The following ZNF44 variants were observed in gnomAD, a reference collection of about 807,000 sequenced individuals.
The protein encoded by ZNF44 is gonadotropin inducible transcription repressor-2.
ZNF44 carries 9 observed loss-of-function variants against 11.7 expected under a neutral mutation model. The ratio of observed to expected loss-of-function variants is 0.77; its 90% CI spans 0.46 to 1.35. The LOEUF is 1.35. ZNF44 is among the 40% of genes most tolerant of loss of function. The pLI, the probability that ZNF44 is intolerant of heterozygous loss-of-function variation, is 0.00. For synonymous variants in ZNF44, 224 were observed against 242.7 expected (o/e 0.92, Z 0.72); for missense variants, 696 against 743.1 (o/e 0.94, Z 0.74).
chr19:12,234,942 A>T (rs1916319295), intron 1 of ZNF44: 2 of 152,248 alleles, frequency 1.3e-5, no homozygotes, highest in African/African-American at 4.8e-5. Flanking sequence ...TCTGAGCAGA[A>T]GTTTAATAGG....
Position 12,272,255 on chromosome 19 carries a change from G to A in ZNF44, c.*152C>T, listed in dbSNP as rs1040453069. 24 of 1,268,550 alleles carry A rather than the reference G, an allele frequency of 1.9e-5. No individual in the cohort carries two copies. Among genetic ancestry groups the A allele is most frequent in the East Asian group, 8.8e-5 (3 of 34,212 alleles). The allele number at this position is 1,268,550 out of a possible 1,614,324, so 78.6% of individuals were successfully genotyped here. ...CCTGGCCTCGTGATCTGCCCTCCTC[G>A]GCCTCTCAAAGTGCTGGGATTACAG... On this transcript the variant is annotated 3_prime_UTR_variant, in exon 4 of 4. Coordinates refer to ENST00000355684, the MANE Select transcript of ZNF44 (RefSeq NM_016264.4).
In ZNF44 at chr19:12,294,699, C is replaced by T; in HGVS notation, c.-5G>A. The T allele has an allele frequency of 6.4e-7, 1 of 1,560,310 alleles. No individual in the cohort carries two copies. The highest frequency in any genetic ancestry group is 8.7e-7 in the Non-Finnish European group (1 of 1,153,124). ...CGGGCCCCGCACACTCACCATTTCC[C>T]GGCTGTGCGGTGTCCCGGGTCCTCC... On this transcript the variant is annotated 5_prime_UTR_variant, in exon 1 of 4. Coordinates refer to ENST00000355684, the MANE Select transcript of ZNF44 (RefSeq NM_016264.4).
chr19:12,240,965 A>AAAAG (rs1298384813), upstream of ZNF44, among the ~76,000 whole-genome samples: 1 of 152,246 alleles, frequency 6.6e-6, no homozygotes, highest in African/African-American at 2.4e-5. Context: ...TTTGTGCACC[A>AAAAG]AAAGACAACA....
chr19:12,281,088 A>G (rs1273125487), intron 1 of ZNF44, among the ~76,000 whole-genome samples: 1 of 152,246 alleles, frequency 6.6e-6, no homozygotes, highest in Non-Finnish European at 1.5e-5. Flanking sequence ...CAGCACTATC[A>G]ATCAACTGGA....
upstream of ZNF44, among the ~76,000 whole-genome samples, chr19:12,241,957 T>G (rs573377912): frequency 6.6e-6 from 1 of 152,092 alleles, no homozygotes; most frequent in Non-Finnish European, 1.5e-5. Flanking sequence ...GGACAAATAC[T>G]GCATGCTTCT....
At chr19:12,259,423 C>G (rs1459614512) in intron 5 of ZNF44, among the ~76,000 whole-genome samples, 1 of 152,108 alleles carries the variant, frequency 6.6e-6, no homozygotes, top group Non-Finnish European at 1.5e-5. Context: ...AATTCAGAAC[C>G]TACATTATAG....
exon 8 of ZNF44, chr19:12,248,667 A>G (rs752711963): frequency 7.8e-7 from 1 of 1,278,460 alleles, no homozygotes; most frequent in Non-Finnish European, 1.0e-6. Flanking sequence ...GAGTCTCTCT[A>G]CCATATGATT....
intron 1 of ZNF44, chr19:12,237,311 C>G (rs911660404): frequency 1.3e-5 from 2 of 152,906 alleles, no homozygotes; most frequent in Non-Finnish European, 2.9e-5. Context: ...CCCAGCCCCA[C>G]CCTGTGGCCG....
chr19:12,267,136 A>C (rs11085807), downstream of ZNF44, among the ~76,000 whole-genome samples: 28,199 of 149,848 alleles, frequency 0.19, 2,730 homozygotes, highest in East Asian at 0.28. Context: ...CCTCTGCCTC[A>C]CGGGTTCAAG....
chr19:12,292,021 A>G (rs1326093423), intron 1 of ZNF44, among the ~76,000 whole-genome samples: 1 of 151,564 alleles, frequency 6.6e-6, no homozygotes, highest in East Asian at 1.9e-4. Flanking sequence ...AAGAAAAGAA[A>G]AAAAGTTTTT....
chr19:12,286,735 G>A (rs1967769068), intron 1 of ZNF44, among the ~76,000 whole-genome samples: 1 of 149,790 alleles, frequency 6.7e-6, no homozygotes, highest in South Asian at 2.1e-4. Context: ...TGGATCTCTT[G>A]AGGTCAGGAG....
chr19:12,278,764 C>A (rs1037497023), intron 1 of ZNF44, among the ~76,000 whole-genome samples: 2 of 151,498 alleles, frequency 1.3e-5, no homozygotes, highest in African/African-American at 4.8e-5. Flanking sequence ...CCATCTAAGT[C>A]CCAGGAGAAA....
Position 12,273,328 on chromosome 19 carries a change from A to G in ZNF44, c.927T>C (p.Tyr309=), listed in dbSNP as rs1415067559. ...HERIHTGEKP[Y]TCKQCGKAFC... ...ACGCTTTCCCACACTGTTTACATGTATAGGGTTTCTCTCCAGTGTGAATTC... is the reference window on the plus strand; with the variant it reads ...ACGCTTTCCCACACTGTTTACATGTGTAGGGTTTCTCTCCAGTGTGAATTC... Residue 309 remains tyrosine (Y), a synonymous_variant, in exon 4 of 4, where the codon TAT becomes TAC. Transcript: ENST00000355684. The G allele has an allele frequency of 6.2e-7, 1 of 1,613,900 alleles. No individual in the cohort carries two copies. The highest frequency in any genetic ancestry group is 8.5e-7 in the Non-Finnish European group (1 of 1,179,980).
chr19:12,292,595 G>A (rs1053265243), intron 1 of ZNF44, among the ~76,000 whole-genome samples: 14 of 152,028 alleles, frequency 9.2e-5, no homozygotes, highest in African/African-American at 3.1e-4. Context: ...CCAGCCCCAC[G>A]GTGCTCATTG....
rs903394227 is a variant in ZNF44, at chr19:12,272,167, T to A, written c.*240A>T. The A allele has an allele frequency of 2.2e-6, 1 of 459,486 alleles. No individual in the cohort carries two copies. The highest frequency in any genetic ancestry group is 2.0e-5 in the African/African-American group (1 of 49,322). 28.5% of individuals were successfully genotyped at this position (459,486 alleles called of 1,614,324 possible). A position where few individuals can be genotyped will look rare whatever the true frequency, so the allele number is the denominator to read the frequency against. The stretch of plus-strand genomic sequence containing the variant: ...GTGAGCAACTATGCCTGGCTATTTT[T>A]TTTTTTTTCCGTATTTTTAGTAGAG... On this transcript the variant is annotated 3_prime_UTR_variant, in exon 4 of 4. Transcript: ENST00000355684.
At chr19:12,241,480 AG>A (rs1382696506), upstream of ZNF44, among the ~76,000 whole-genome samples, 1 of 152,228 alleles carries the variant, frequency 6.6e-6, no homozygotes, top group African/African-American at 2.4e-5. Flanking sequence ...ACCAGAGGTC[AG>A]GAGTCCAAGA....
Position 12,273,768 on chromosome 19 carries a change from G to C in ZNF44, c.487C>G (p.His163Asp). ...CAATCATAGGGTTTCTTTCCAGTGT[G>C]AGGCCTTTCACATGTTTGAAAGGAG... ...RHSFQTCERPHTGKKPYDCKE... is the reference protein window; with the variant it reads ...RHSFQTCERPDTGKKPYDCKE... The change falls in exon 4 of 4, where the codon CAC becomes GAC. Residue 163 changes from histidine (H) to aspartate (D), a missense_variant. By Grantham distance (81) the His-to-Asp change is moderately conservative (BLOSUM62 -1). Transcript: ENST00000355684. 6.2e-7 allele frequency: 1 copy of C among 1,614,170 alleles called. No homozygotes were observed. Among genetic ancestry groups the C allele is most frequent in the Non-Finnish European group, 8.5e-7 (1 of 1,180,028 alleles).
chr19:12,249,399 G>A (rs1405884476), intron 7 of ZNF44, among the ~76,000 whole-genome samples: 1 of 150,476 alleles, frequency 6.6e-6, no homozygotes, highest in Non-Finnish European at 1.5e-5. Flanking sequence ...CCAGCTACTC[G>A]GGAGGCTGAG....
At chr19:12,285,490 G>C (rs527578663) in intron 1 of ZNF44, among the ~76,000 whole-genome samples, 1 of 152,100 alleles carries the variant, frequency 6.6e-6, no homozygotes, top group African/African-American at 2.4e-5. Context: ...CTGACCTCAG[G>C]TGATCCACCC....
Sources: allele counts gnomAD v4.1 joint callset (sites outside exome capture counted in the v4.1 genomes callset), GRCh38; gene constraint gnomAD v4.1.1; transcripts MANE v1.5; gene names NCBI Gene and HGNC (gene_info 2026-07-23, HGNC 2026-07-21).